Variants in DSCAM observed in about 807,000 individuals in gnomAD.
The protein encoded by DSCAM is DS cell adhesion molecule.
Under a neutral mutation model 217.7 loss-of-function variants are expected in DSCAM, and 47 were observed. That is an observed-to-expected ratio of 0.22 (90% CI 0.17 to 0.28). DSCAM has a LOEUF of 0.28. Among genes scored for constraint, DSCAM ranks in the 10% least tolerant of loss-of-function variants. The pLI, the probability that DSCAM is intolerant of heterozygous loss-of-function variation, is 1.00. For synonymous variants in DSCAM, 1,056 were observed against 1,015.3 expected (o/e 1.04, Z -0.76); for missense variants, 2,080 against 2,618.3 (o/e 0.79, Z 4.49).
intron 1 of DSCAM, among the ~76,000 whole-genome samples, chr21:40,711,257 G>C (rs1419649635): frequency 1.3e-5 from 2 of 152,140 alleles, no homozygotes; most frequent in African/African-American, 4.8e-5. Flanking sequence ...GAGCTGAGGG[G>C]TTACAGGCTC....
intron 8 of DSCAM, among the ~76,000 whole-genome samples, chr21:40,332,375 T>C (rs1182156942): frequency 6.6e-6 from 1 of 152,210 alleles, no homozygotes; most frequent in Non-Finnish European, 1.5e-5. Context: ...GTGCGCAGCC[T>C]CATCTCTCTT....
intron 32 of DSCAM, among the ~76,000 whole-genome samples, chr21:40,038,208 A>G (rs1282114448): frequency 7.4e-6 from 1 of 135,444 alleles, no homozygotes; most frequent in East Asian, 2.2e-4. Context: ...AGCAAAAGAA[A>G]CTACCATCAG....
chr21:40,051,707 A>G (rs1166127045), intron 30 of DSCAM, among the ~76,000 whole-genome samples: 1 of 152,230 alleles, frequency 6.6e-6, no homozygotes, highest in Non-Finnish European at 1.5e-5. Context: ...TAAATTAAAA[A>G]AATAAATACA....
chr21:40,766,447 A>G (rs1188486620), intron 1 of DSCAM, among the ~76,000 whole-genome samples: 9 of 152,082 alleles, frequency 5.9e-5, no homozygotes. Context: ...GCTGAGAGAC[A>G]TTCAATATCA....
At chr21:40,509,510 G>T (rs2146056307) in intron 3 of DSCAM, among the ~76,000 whole-genome samples, 1 of 152,294 alleles carries the variant, frequency 6.6e-6, no homozygotes, top group East Asian at 1.9e-4. Flanking sequence ...AGAGCCTGGG[G>T]CCTGAGCCTG....
At chr21:40,227,928 C>T (rs1371515150) in intron 11 of DSCAM, among the ~76,000 whole-genome samples, 2 of 152,162 alleles carry the variant, frequency 1.3e-5, no homozygotes, top group Admixed American at 1.3e-4. Flanking sequence ...TCCAGGATCC[C>T]ATTCTACATT....
At chr21:40,121,819 G>A (rs1013909239) in intron 20 of DSCAM, among the ~76,000 whole-genome samples, 2 of 150,150 alleles carry the variant, frequency 1.3e-5, no homozygotes, top group African/African-American at 2.5e-5. Context: ...CTCCTCCCAA[G>A]TACCTGAGAT....
chr21:40,567,904 T>C (rs901059387), intron 3 of DSCAM, among the ~76,000 whole-genome samples: 1 of 152,286 alleles, frequency 6.6e-6, no homozygotes, highest in Admixed American at 6.5e-5. Flanking sequence ...GAATTTATTC[T>C]CTACAAAACT....
chr21:40,292,094 C>A (rs1267774528), intron 10 of DSCAM, among the ~76,000 whole-genome samples: 1 of 151,684 alleles, frequency 6.6e-6, no homozygotes, highest in African/African-American at 2.4e-5. Context: ...AGGCAAGAGG[C>A]CTCATTTGTT....
At chr21:40,800,492 A>T (rs888225267) in intron 1 of DSCAM, among the ~76,000 whole-genome samples, 9 of 152,158 alleles carry the variant, frequency 5.9e-5, no homozygotes, top group African/African-American at 2.2e-4. Context: ...GGTGACCAGA[A>T]TGCTAATAGA....
intron 1 of DSCAM, among the ~76,000 whole-genome samples, chr21:40,719,759 T>C (rs2090881522): frequency 1.3e-5 from 2 of 152,168 alleles, no homozygotes; most frequent in African/African-American, 2.4e-5. Context: ...ATCTATGATG[T>C]TGAGAGTCAG....
At chr21:40,197,339 C>T (rs1601431376) in intron 11 of DSCAM, among the ~76,000 whole-genome samples, 3 of 152,036 alleles carry the variant, frequency 2.0e-5, no homozygotes, top group South Asian at 2.1e-4. Context: ...AGGATGGTCT[C>T]GATCTCCTGA....
intron 15 of DSCAM, among the ~76,000 whole-genome samples, chr21:40,172,258 G>C (rs2090667118): frequency 6.6e-6 from 1 of 152,222 alleles, no homozygotes; most frequent in African/African-American, 2.4e-5. Context: ...AACAGAGCAA[G>C]ACTCCATCTC....
intron 20 of DSCAM, among the ~76,000 whole-genome samples, chr21:40,118,586 A>C (rs959032131): frequency 1.6e-4 from 25 of 152,188 alleles, no homozygotes; most frequent in Admixed American, 3.3e-4. Flanking sequence ...ACTCCGTCTC[A>C]AAACAAACAA....
At chr21:40,066,592 T>C (rs1326126347) in intron 27 of DSCAM, among the ~76,000 whole-genome samples, 1 of 152,222 alleles carries the variant, frequency 6.6e-6, no homozygotes, top group African/African-American at 2.4e-5. Context: ...ATTATACGTG[T>C]TGCAAATGAA....
intron 3 of DSCAM, among the ~76,000 whole-genome samples, chr21:40,518,785 A>G (rs1359606613): frequency 6.6e-6 from 1 of 150,782 alleles, no homozygotes; most frequent in Non-Finnish European, 1.5e-5. Flanking sequence ...ACAACTGTGC[A>G]TGGCTTAACA....
intron 3 of DSCAM, among the ~76,000 whole-genome samples, chr21:40,516,497 C>G (rs950150007): frequency 1.3e-5 from 2 of 152,162 alleles, no homozygotes; most frequent in African/African-American, 2.4e-5. Flanking sequence ...TTTAATGCCT[C>G]TCTCCATGGG....
At chr21:40,722,863 G>A (rs999068456) in intron 1 of DSCAM, among the ~76,000 whole-genome samples, 6 of 152,058 alleles carry the variant, frequency 3.9e-5, no homozygotes, top group Non-Finnish European at 7.4e-5. Context: ...TAAAGAAAGT[G>A]GGAGTGATTA....
chr21:40,260,981 A>C (rs377495739), intron 11 of DSCAM, among the ~76,000 whole-genome samples: 1 of 152,208 alleles, frequency 6.6e-6, no homozygotes, highest in Non-Finnish European at 1.5e-5. Context: ...AACATCAGAC[A>C]AAACAGCTCT....
Sources: gnomAD v4.1 joint callset for allele counts (sites outside exome capture counted in the v4.1 genomes callset) on GRCh38, gnomAD v4.1.1 for gene constraint, MANE v1.5 for transcripts, NCBI Gene and HGNC (gene_info 2026-07-23, HGNC 2026-07-21) for gene names.